SLC14A2: variants seen among roughly 807,000 people sequenced by gnomAD.
The protein encoded by SLC14A2 is urea transporter 2.
Under a neutral mutation model 104.6 loss-of-function variants are expected in SLC14A2, and 91 were observed. The ratio of observed to expected loss-of-function variants is 0.87; its 90% CI spans 0.73 to 1.04. The LOEUF is 1.04. Ranked by LOEUF, SLC14A2 falls within the 50% of genes least tolerant of loss-of-function variation. The pLI, the probability that SLC14A2 is intolerant of heterozygous loss-of-function variation, is 0.00. For synonymous variants in SLC14A2, 476 were observed against 466.4 expected (o/e 1.02, Z -0.27); for missense variants, 1,189 against 1,156.0 (o/e 1.03, Z -0.41).
chr18:45,382,257 T>C (rs1598739595), intron 1 of SLC14A2, among the ~76,000 whole-genome samples: 2 of 152,108 alleles, frequency 1.3e-5, no homozygotes, highest in Middle Eastern at 6.8e-3. Flanking sequence ...GTGTTTACCA[T>C]ACAAATACTT....
chr18:45,653,865 G>A (rs924403216), intron 10 of SLC14A2, among the ~76,000 whole-genome samples: 12 of 152,376 alleles, frequency 7.9e-5, no homozygotes, highest in African/African-American at 2.9e-4. Flanking sequence ...CCCCTATGGG[G>A]AATTAAGGGA....
At chr18:45,306,619 A>G (rs921929445) in intron 1 of SLC14A2, among the ~76,000 whole-genome samples, 1 of 152,200 alleles carries the variant, frequency 6.6e-6, no homozygotes, top group Non-Finnish European at 1.5e-5. Context: ...TGTAAAAACC[A>G]TTCTCATGAT....
intron 1 of SLC14A2, among the ~76,000 whole-genome samples, chr18:45,262,261 AC>A (rs2084547034): frequency 6.6e-6 from 1 of 152,178 alleles, no homozygotes. Flanking sequence ...GGTCAATTCT[AC>A]CCTCATTTTA....
chr18:45,635,349 AG>A (rs2045402508), intron 5 of SLC14A2, among the ~76,000 whole-genome samples: 1 of 152,254 alleles, frequency 6.6e-6, no homozygotes, highest in African/African-American at 2.4e-5. Context: ...AGAGTCCCAT[AG>A]GCTCTTCCAA....
intron 1 of SLC14A2, among the ~76,000 whole-genome samples, chr18:45,433,578 TAA>T (rs2086551467): frequency 1.3e-5 from 2 of 152,204 alleles, no homozygotes; most frequent in South Asian, 4.1e-4. Context: ...GCTACTGGGT[TAA>T]AAAGATCTAG....
At chr18:45,659,170 A>G (rs949682781) in intron 10 of SLC14A2, among the ~76,000 whole-genome samples, 3 of 152,218 alleles carry the variant, frequency 2.0e-5, no homozygotes, top group African/African-American at 7.2e-5. Flanking sequence ...GTAACTGCCC[A>G]AGAGAGCCAC....
intron 2 of SLC14A2, among the ~76,000 whole-genome samples, chr18:45,554,103 A>G (rs1210828096): frequency 6.6e-6 from 1 of 152,278 alleles, no homozygotes; most frequent in Non-Finnish European, 1.5e-5. Flanking sequence ...ACAGAGGTGC[A>G]TGAAGGCCGA....
chr18:45,211,459 C>G (rs1337096899), upstream of SLC14A2, among the ~76,000 whole-genome samples: 2 of 152,164 alleles, frequency 1.3e-5, no homozygotes, highest in Admixed American at 1.3e-4. Flanking sequence ...TTTCAGATGA[C>G]TTCTTTAACT....
chr18:45,532,315 G>C lies in SLC14A2; in HGVS notation c.-35+48993G>C, dbSNP rs1182140258. ...GCAGTATGGCCATTTTCACAATATT[G>C]ACTCTTCCTACCAATGAGCATGGAA... On this transcript the variant is annotated intron_variant, in intron 2 of 20. Transcript: ENST00000586448. Among the ~76,000 whole-genome samples, 4 of 152,198 alleles carry C rather than the reference G, an allele frequency of 2.6e-5. No homozygotes were observed. The East Asian group carries it at 7.7e-4, about 29-fold the overall frequency.
intron 2 of SLC14A2, among the ~76,000 whole-genome samples, chr18:45,599,163 A>G (rs1367932694): frequency 2.0e-5 from 3 of 152,272 alleles, no homozygotes; most frequent in African/African-American, 7.2e-5. Flanking sequence ...TAGCGTTTAT[A>G]TCTCTTACTT....
chr18:45,271,493 A>G (rs893087171), intron 1 of SLC14A2, among the ~76,000 whole-genome samples: 2 of 152,174 alleles, frequency 1.3e-5, no homozygotes, highest in African/African-American at 4.8e-5. Flanking sequence ...TCAGCAAAAC[A>G]TGCAATGATA....
At chr18:45,379,778 T>C (rs1568174392) in intron 1 of SLC14A2, among the ~76,000 whole-genome samples, 1 of 152,220 alleles carries the variant, frequency 6.6e-6, no homozygotes. Flanking sequence ...TCCCGTCCTC[T>C]AATTTTGTTG....
At chr18:45,397,881 G>A (rs1290064781) in intron 1 of SLC14A2, among the ~76,000 whole-genome samples, 1 of 151,904 alleles carries the variant, frequency 6.6e-6, no homozygotes, top group Non-Finnish European at 1.5e-5. Flanking sequence ...AAAAAACTTA[G>A]TTCAGTGCCC....
At chr18:45,529,042 G>C (rs952688202) in intron 2 of SLC14A2, 2 of 152,250 alleles carry the variant, frequency 1.3e-5, no homozygotes, top group Non-Finnish European at 2.9e-5. Flanking sequence ...GTAAAATCAA[G>C]ACACCTTCCA....
chr18:45,350,506 C>T (rs936557686), intron 1 of SLC14A2, among the ~76,000 whole-genome samples: 1 of 152,148 alleles, frequency 6.6e-6, no homozygotes, highest in East Asian at 1.9e-4. Flanking sequence ...TTAGGAGGCT[C>T]AGTTTAATTC....
chr18:45,651,966 C>G (rs2045746057), intron 10 of SLC14A2, among the ~76,000 whole-genome samples: 1 of 152,242 alleles, frequency 6.6e-6, no homozygotes, highest in Non-Finnish European at 1.5e-5. Context: ...TCTGAAGGGA[C>G]TCTCTTTCTG....
intron 1 of SLC14A2, among the ~76,000 whole-genome samples, chr18:45,238,946 A>T (rs1309966423): frequency 6.6e-6 from 1 of 152,222 alleles, no homozygotes; most frequent in Non-Finnish European, 1.5e-5. Flanking sequence ...AGAAGCATTA[A>T]CTACACTATC....
intron 1 of SLC14A2, among the ~76,000 whole-genome samples, chr18:45,429,049 C>T (rs1448774915): frequency 6.6e-6 from 1 of 152,076 alleles, no homozygotes; most frequent in Non-Finnish European, 1.5e-5. Flanking sequence ...GGGCCAACGG[C>T]AGAATTTACT....
At chr18:45,401,620 C>T (rs957843426) in intron 1 of SLC14A2, among the ~76,000 whole-genome samples, 1 of 152,178 alleles carries the variant, frequency 6.6e-6, no homozygotes, top group Non-Finnish European at 1.5e-5. Context: ...ATTTCAAACA[C>T]AAAAGTGGCC....
Sources: gnomAD v4.1 joint callset for allele counts (sites outside exome capture counted in the v4.1 genomes callset) on GRCh38, gnomAD v4.1.1 for gene constraint, MANE v1.5 for transcripts, NCBI Gene and HGNC (gene_info 2026-07-23, HGNC 2026-07-21) for gene names.